Variants in CAPS2 observed in about 807,000 individuals in gnomAD.
CAPS2 encodes the protein calcyphosin-2.
CAPS2 carries 98 observed loss-of-function variants against 86.5 expected under a neutral mutation model. That is an observed-to-expected ratio of 1.13 (90% CI 0.96 to 1.34). CAPS2 has a LOEUF of 1.34. Ranked by LOEUF, CAPS2 falls within the 40% of genes most tolerant of loss-of-function variation. The pLI is 0.00. For synonymous variants in CAPS2, 210 were observed against 225.1 expected (o/e 0.93, Z 0.60); for missense variants, 729 against 686.8 (o/e 1.06, Z -0.69).
exon 15 of CAPS2, chr12:75,285,028 T>C: frequency 6.2e-7 from 1 of 1,611,370 alleles, no homozygotes. Flanking sequence ...TTCTCCATAA[T>C]CAACCTTGCC....
At chr12:75,332,413 A>T (rs1352379869), upstream of CAPS2, among the ~76,000 whole-genome samples, 2 of 152,112 alleles carry the variant, frequency 1.3e-5, no homozygotes, top group East Asian at 3.9e-4. Flanking sequence ...ATTTTACTTT[A>T]TCTTTGTATT....
chr12:75,317,432 T>C (rs2039881673), intron 5 of CAPS2, among the ~76,000 whole-genome samples: 1 of 152,208 alleles, frequency 6.6e-6, no homozygotes, highest in Non-Finnish European at 1.5e-5. Flanking sequence ...AGCAGATTAA[T>C]TTAATGCATA....
At chr12:75,291,842 G>T in intron 12 of CAPS2, 22 bp from the exon 13 acceptor site, 2 of 1,247,562 alleles carry the variant, frequency 1.6e-6, no homozygotes, top group Non-Finnish European at 1.1e-6. Flanking sequence ...ATGTTCACAG[G>T]GATGAAATAT....
At chr12:75,309,835 C>T (rs2038952808) in intron 7 of CAPS2, among the ~76,000 whole-genome samples, 1 of 152,206 alleles carries the variant, frequency 6.6e-6, no homozygotes, top group African/African-American at 2.4e-5. Context: ...GGCACCTATT[C>T]TATTCTCACA....
At chr12:75,280,859 A>G (rs2033820264) in intron 16 of CAPS2, among the ~76,000 whole-genome samples, 1 of 152,038 alleles carries the variant, frequency 6.6e-6, no homozygotes, top group East Asian at 1.9e-4. Flanking sequence ...ACCATATATG[A>G]GGGTTAATGA....
chr12:75,374,807 C>T (rs1054110697), intron 1 of CAPS2, among the ~76,000 whole-genome samples: 3 of 152,200 alleles, frequency 2.0e-5, no homozygotes, highest in Non-Finnish European at 4.4e-5. Context: ...AAATTAATGT[C>T]TGCATACCAG....
intron 11 of CAPS2, 113 bp downstream of exon 11, chr12:75,298,574 G>A (rs2037285089): frequency 1.3e-6 from 1 of 753,164 alleles, no homozygotes; most frequent in African/African-American, 1.8e-5. Context: ...CCCTGTTCAG[G>A]ATGCAGGAGA....
chr12:75,293,152 G>T (rs2036294274), intron 12 of CAPS2, 97 bp downstream of exon 12: 3 of 753,896 alleles, frequency 4.0e-6, no homozygotes, highest in East Asian at 2.6e-5. Context: ...AAACCTTAAT[G>T]AAGTTATAAA....
intron 1 of CAPS2, among the ~76,000 whole-genome samples, chr12:75,358,557 A>G (rs1246158696): frequency 1.3e-5 from 2 of 151,176 alleles, no homozygotes; most frequent in Non-Finnish European, 3.0e-5. Flanking sequence ...CACAAATCCA[A>G]CAAAGAACAC....
rs375662800 is a variant in CAPS2 at position 75,353,311 on chromosome 12, G to A, written c.-394-30089C>T. Reference sequence around the variant, plus strand: ...AGACACAATAAAAAATGATAAAGGGGTATCACCACTGACCCCACAGAAATA... The same window carrying A: ...AGACACAATAAAAAATGATAAAGGGATATCACCACTGACCCCACAGAAATA... On this transcript the variant is annotated intron_variant, in intron 1 of 5. Coordinates refer to the CAPS2 transcript ENST00000551829. 1.1e-3 allele frequency among the ~76,000 whole-genome samples: 170 copies of A among 151,988 alleles called. 1 individual carries two copies. The highest frequency in any genetic ancestry group is 3.6e-3 in the African/African-American group (150 of 41,478).
chr12:75,328,512 G>C (rs1035803190), upstream of CAPS2, among the ~76,000 whole-genome samples: 2 of 152,132 alleles, frequency 1.3e-5, no homozygotes, highest in African/African-American at 2.4e-5. Context: ...AAACAGTCAA[G>C]ACCAAGAAGG....
intron 1 of CAPS2, chr12:75,365,036 T>C (rs2043872727): frequency 6.6e-6 from 1 of 152,148 alleles, no homozygotes; most frequent in East Asian, 1.9e-4. Context: ...CCATCCTTCA[T>C]TGAGAGGATC....
Position 75,347,597 on chromosome 12 carries a change from A to T in CAPS2, c.-394-24375T>A, listed in dbSNP as rs1424161927. 6.8e-6 allele frequency: 10 copies of T among 1,471,276 alleles called. No individual in the cohort carries two copies. In the East Asian group the frequency reaches 2.1e-4, roughly 30 times the overall value. 91.1% of individuals were successfully genotyped at this position (1,471,276 alleles called of 1,614,324 possible). ...TGCATAGAATTGTTTTCCATATTTT[A>T]TCTTGACATTCCTTTTCTTTATAGT... On this transcript the variant is annotated intron_variant, in intron 1 of 5. Transcript: ENST00000551829.
Position 75,355,727 on chromosome 12 carries a change from T to A in CAPS2, c.-394-32505A>T, listed in dbSNP as rs1366621338. ...TAATAGCAAAGACATGGAATCAACCTAAATGCCCATCAATGACAGACTGGA... is the reference window on the plus strand; with the variant it reads ...TAATAGCAAAGACATGGAATCAACCAAAATGCCCATCAATGACAGACTGGA... On this transcript the variant is annotated intron_variant, in intron 1 of 5. Coordinates refer to the CAPS2 transcript ENST00000551829. 2.6e-5 allele frequency among the ~76,000 whole-genome samples: 4 copies of A among 152,240 alleles called. No homozygotes were observed. The East Asian group carries it at 7.7e-4, about 29-fold the overall frequency.
chr12:75,358,691 T>C (rs2043317444), intron 1 of CAPS2, among the ~76,000 whole-genome samples: 1 of 147,182 alleles, frequency 6.8e-6, no homozygotes, highest in Non-Finnish European at 1.5e-5. Context: ...TTTGTGTTTC[T>C]TTTTGTTTTG....
chr12:75,344,973 C>T (rs531485014), intron 1 of CAPS2, among the ~76,000 whole-genome samples: 7 of 152,134 alleles, frequency 4.6e-5, no homozygotes, highest in Non-Finnish European at 7.4e-5. Context: ...TTGTGTAAAC[C>T]GTGGTATTAT....
At chr12:75,298,708 G>A (rs1373038054) in exon 11 of CAPS2, 1 of 1,613,568 alleles carries the variant, frequency 6.2e-7, no homozygotes, top group Non-Finnish European at 8.5e-7. Context: ...CACCAAGTCG[G>A]TATTGTTTTC....
chr12:75,348,742 C>G (rs896217652), intron 1 of CAPS2, among the ~76,000 whole-genome samples: 5 of 152,142 alleles, frequency 3.3e-5, no homozygotes, highest in Admixed American at 3.3e-4. Flanking sequence ...TTATGTCACC[C>G]CTGGCCAAGT....
chr12:75,282,131 CA>C (rs2034062879), intron 16 of CAPS2, 119 bp downstream of exon 16: 11 of 666,942 alleles, frequency 1.6e-5, no homozygotes, highest in African/African-American at 1.9e-5. Context: ...GTTTCCAGTT[CA>C]AAAAAATAGT....
Sources: gnomAD v4.1 joint callset for allele counts (sites outside exome capture counted in the v4.1 genomes callset) on GRCh38, gnomAD v4.1.1 for gene constraint, MANE v1.5 for transcripts, NCBI Gene and HGNC (gene_info 2026-07-23, HGNC 2026-07-21) for gene names.